The following PLD1 variants were observed in gnomAD, a reference collection of about 807,000 sequenced individuals.
PLD1 encodes the protein choline phosphatase 1.
A neutral mutation model predicts 137.1 loss-of-function variants in PLD1; 112 were observed. The observed-to-expected ratio is 0.82, with a 90% CI of 0.70 to 0.96. PLD1 has a LOEUF of 0.96. PLD1 is among the 40% of genes least tolerant of loss of function. The probability of loss-of-function intolerance (pLI) is 0.00; values close to 1 mark genes in which losing one functional copy is unlikely to be tolerated. For synonymous variants in PLD1, 431 were observed against 454.7 expected, an observed-to-expected ratio of 0.95 and a Z score of 0.66; for missense variants, 1,321 against 1,342.0, an observed-to-expected ratio of 0.98 and a Z score of 0.24.
At chr3:171,666,005 A>C (rs907397152) in intron 19 of PLD1, among the ~76,000 whole-genome samples, 2 of 152,232 alleles carry the variant, frequency 1.3e-5, no homozygotes, top group Non-Finnish European at 2.9e-5. Flanking sequence ...AATTAGTTAA[A>C]ATCTCCCTAT....
intron 19 of PLD1, among the ~76,000 whole-genome samples, chr3:171,665,008 C>T (rs921078021): frequency 5.9e-5 from 9 of 152,186 alleles, no homozygotes; most frequent in Non-Finnish European, 1.2e-4. Context: ...TTATAACCCA[C>T]CCTTGCTGGT....
At chr3:171,638,374 C>T (rs1405581656) in intron 23 of PLD1, among the ~76,000 whole-genome samples, 1 of 151,978 alleles carries the variant, frequency 6.6e-6, no homozygotes, top group African/African-American at 2.4e-5. Flanking sequence ...AATAATTGTA[C>T]CATGCCATGG....
intron 1 of PLD1, among the ~76,000 whole-genome samples, chr3:171,784,732 A>G (rs138691649): frequency 2.0e-5 from 3 of 152,106 alleles, no homozygotes; most frequent in Non-Finnish European, 4.4e-5. Context: ...CAGTGACCAC[A>G]CTCCTCTAGA....
chr3:171,706,165 T>TCTATCTAC (rs1578321788), intron 11 of PLD1, among the ~76,000 whole-genome samples: 1 of 151,682 alleles, frequency 6.6e-6, no homozygotes, highest in African/African-American at 2.4e-5. Flanking sequence ...TATCTATCTA[T>TCTATCTAC]CTACAACTGA....
intron 21 of PLD1, among the ~76,000 whole-genome samples, chr3:171,658,523 A>G (rs1450941984): frequency 6.6e-6 from 1 of 152,244 alleles, no homozygotes; most frequent in Admixed American, 6.5e-5. Context: ...AAGCTTCAAG[A>G]ACATTATGCT....
At chr3:171,613,166 T>C (rs1214943003) in intron 24 of PLD1, among the ~76,000 whole-genome samples, 1 of 152,164 alleles carries the variant, frequency 6.6e-6, no homozygotes, top group Admixed American at 6.5e-5. Context: ...CAAGACTTCA[T>C]CTCTAAACAA....
chr3:171,737,381 T>G, intron 3 of PLD1, 151 bp downstream of exon 3: 2 of 617,396 alleles, frequency 3.2e-6, no homozygotes, highest in South Asian at 7.6e-5. Context: ...ACTTGACAGG[T>G]GAAAATGACT....
intron 16 of PLD1, among the ~76,000 whole-genome samples, chr3:171,683,010 AAGAT>A (rs1214206079): frequency 6.6e-6 from 1 of 152,220 alleles, no homozygotes; most frequent in East Asian, 1.9e-4. Flanking sequence ...CTTCCTAACA[AAGAT>A]AGCATCATTG....
At chr3:171,606,024 G>A (rs1475876877) in intron 25 of PLD1, among the ~76,000 whole-genome samples, 24 of 152,158 alleles carry the variant, frequency 1.6e-4, no homozygotes, top group Admixed American at 1.6e-3. Context: ...GCTGTATTGA[G>A]AACACACTCT....
chr3:171,753,302 C>T (rs988062681), intron 1 of PLD1, among the ~76,000 whole-genome samples: 3 of 152,200 alleles, frequency 2.0e-5, no homozygotes, highest in Non-Finnish European at 4.4e-5. Flanking sequence ...TCCCAAGGGT[C>T]AGAAGCACAT....
chr3:171,796,435 GACTATTTGCAGATGTA>G (rs1723440743), intron 1 of PLD1, among the ~76,000 whole-genome samples: 1 of 152,274 alleles, frequency 6.6e-6, no homozygotes, highest in South Asian at 2.1e-4. Context: ...TGAGAAAGAA[GACTATTTGCAGATGTA>G]ACTATTTCAG....
At chr3:171,668,772 T>C (rs890417014) in intron 19 of PLD1, among the ~76,000 whole-genome samples, 1 of 152,216 alleles carries the variant, frequency 6.6e-6, no homozygotes, top group African/African-American at 2.4e-5. Context: ...GTTGACCCCA[T>C]GTTGATGCTG....
intron 1 of PLD1, among the ~76,000 whole-genome samples, chr3:171,801,267 T>C (rs796806261): frequency 1.3e-5 from 2 of 152,332 alleles, no homozygotes; most frequent in Non-Finnish European, 2.9e-5. Context: ...AGAGGGGCTA[T>C]TGCAAATACA....
At chr3:171,683,462 A>G (rs1714217557) in intron 16 of PLD1, among the ~76,000 whole-genome samples, 1 of 152,126 alleles carries the variant, frequency 6.6e-6, no homozygotes, top group Non-Finnish European at 1.5e-5. Context: ...CTACAGCCGT[A>G]TTCCTGGAAC....
At chr3:171,671,097 C>G (rs1159328418) in intron 19 of PLD1, among the ~76,000 whole-genome samples, 1 of 152,198 alleles carries the variant, frequency 6.6e-6, no homozygotes, top group African/African-American at 2.4e-5. Context: ...CATGCTGAGG[C>G]CACATGCTGC....
rs1560277393 is a variant in PLD1, at chr3:171,751,465, A to G, written c.-31-13383T>C. Among the ~76,000 whole-genome samples the G allele has an allele frequency of 2.0e-5, 3 of 152,348 alleles. No individual in the cohort carries two copies. The East Asian group carries it at 5.8e-4, about 29-fold the overall frequency. On this transcript the variant is annotated intron_variant, in intron 1 of 26. Coordinates refer to ENST00000351298, the MANE Select transcript of PLD1 (RefSeq NM_002662.5). ...TCCTATAAAAACATAAGAAAAATGTAAAAAATACAAAGAACAAGGGCCAGG... is the reference window on the plus strand; with the variant it reads ...TCCTATAAAAACATAAGAAAAATGTGAAAAATACAAAGAACAAGGGCCAGG...
chr3:171,778,640 G>A (rs529008333), intron 1 of PLD1, among the ~76,000 whole-genome samples: 6 of 152,272 alleles, frequency 3.9e-5, no homozygotes, highest in Admixed American at 3.9e-4. Context: ...AAACTGCAAA[G>A]GCCCAGAGGC....
At chr3:171,792,011 T>G (rs1419209614) in intron 1 of PLD1, 1 of 152,496 alleles carries the variant, frequency 6.6e-6, no homozygotes, top group African/African-American at 2.4e-5. Flanking sequence ...TAAACACTGG[T>G]GTTCTTCAGG....
intron 1 of PLD1, chr3:171,792,306 C>G: frequency 3.2e-6 from 1 of 316,582 alleles, no homozygotes; most frequent in Non-Finnish European, 6.2e-6. Context: ...CCCTGTACCT[C>G]CGTTATTGGC....
Sources: gnomAD v4.1 joint callset for allele counts (sites outside exome capture counted in the v4.1 genomes callset) on GRCh38, gnomAD v4.1.1 for gene constraint, MANE v1.5 for transcripts, NCBI Gene and HGNC (gene_info 2026-07-23, HGNC 2026-07-21) for gene names.